The following GNB1 variants were observed in gnomAD, a reference collection of about 807,000 sequenced individuals.
The protein encoded by GNB1 is G protein subunit beta 1, also known as guanine nucleotide-binding protein G(I)/G(S)/G(T) subunit beta-1.
In GNB1, 2 loss-of-function variants were observed where a neutral mutation model predicts 42.9. The observed-to-expected ratio is 0.05, with a 90% confidence interval of 0.02 to 0.15. GNB1 has a LOEUF of 0.15. GNB1 is among the 10% of genes least tolerant of loss of function. The pLI is 1.00. For synonymous variants in GNB1, 183 were observed against 174.7 expected, an observed-to-expected ratio of 1.05 and a Z score of -0.38; for missense variants, 193 against 462.2, an observed-to-expected ratio of 0.42 and a Z score of 5.34.
intron 1 of GNB1, among the ~76,000 whole-genome samples, chr1:1,848,162 G>A (rs957877258): frequency 6.6e-6 from 1 of 151,970 alleles, no homozygotes; most frequent in Non-Finnish European, 1.5e-5. Context: ...GGCAGACCAC[G>A]AGATCAGGTG....
intron 1 of GNB1, among the ~76,000 whole-genome samples, chr1:1,872,988 G>A (rs548851450): frequency 2.6e-5 from 4 of 152,122 alleles, no homozygotes; most frequent in Admixed American, 6.5e-5. Context: ...AAATGGCCAC[G>A]GTTTCTGCAA....
chr1:1,868,882 T>C (rs1363382453), intron 1 of GNB1, among the ~76,000 whole-genome samples: 1 of 151,828 alleles, frequency 6.6e-6, no homozygotes, highest in Non-Finnish European at 1.5e-5. Flanking sequence ...AGTTAATTTC[T>C]ATAAAGAATA....
At chr1:1,867,311 C>T (rs188195903) in intron 1 of GNB1, among the ~76,000 whole-genome samples, 17 of 152,254 alleles carry the variant, frequency 1.1e-4, no homozygotes, top group Admixed American at 3.3e-4. Flanking sequence ...GGCTGCAATG[C>T]GGCCCACAGG....
rs1213290699 is a variant in GNB1 at position 1,785,648 on chromosome 1, G to A, written c.*1415C>T. Reference sequence around the variant, plus strand: ...TGCTGCTGAACACTGGCCTTGAAATGAACACCAGGACAATCTGTGTGTGAT... The same window carrying A: ...TGCTGCTGAACACTGGCCTTGAAATAAACACCAGGACAATCTGTGTGTGAT... On this transcript the variant is annotated 3_prime_UTR_variant, in exon 12 of 12. Coordinates refer to ENST00000378609, the MANE Select transcript of GNB1 (RefSeq NM_002074.5). The A allele has an allele frequency of 8.4e-6, 2 of 237,286 alleles. No individual in the cohort carries two copies. Among genetic ancestry groups the A allele is most frequent in the African/African-American group, 4.4e-5 (2 of 44,960 alleles). 14.7% of individuals were successfully genotyped at this position (237,286 alleles called of 1,614,324 possible).
intron 2 of GNB1, among the ~76,000 whole-genome samples, chr1:1,826,115 G>A (rs1184255344): frequency 6.6e-6 from 1 of 152,018 alleles, no homozygotes; most frequent in Non-Finnish European, 1.5e-5. Flanking sequence ...ATAAATCCAA[G>A]AACATAAGAC....
At chr1:1,798,420 A>G (rs995674296) in intron 7 of GNB1, among the ~76,000 whole-genome samples, 5 of 152,232 alleles carry the variant, frequency 3.3e-5, no homozygotes, top group Non-Finnish European at 5.9e-5. Flanking sequence ...GCTTCTCACT[A>G]TATGAAGACA....
intron 5 of GNB1, among the ~76,000 whole-genome samples, chr1:1,815,040 A>T (rs1318391149): frequency 2.0e-5 from 3 of 149,804 alleles, no homozygotes; most frequent in Non-Finnish European, 1.5e-5. Context: ...TGAACCCGGG[A>T]GGCGGAGCTT....
intron 1 of GNB1, among the ~76,000 whole-genome samples, chr1:1,847,102 T>C (rs1647710723): frequency 6.6e-6 from 1 of 151,722 alleles, no homozygotes; most frequent in South Asian, 2.1e-4. Flanking sequence ...AAAGGACACT[T>C]ATTAGTAAGG....
At chr1:1,885,218 G>C (rs893134418) in intron 1 of GNB1, among the ~76,000 whole-genome samples, 126 of 151,398 alleles carry the variant, frequency 8.3e-4, no homozygotes, top group Admixed American at 1.7e-3. Flanking sequence ...TTTGAGACCA[G>C]CCTGGCCAAC....
chr1:1,870,312 C>G (rs1358024721), intron 1 of GNB1, among the ~76,000 whole-genome samples: 2 of 152,150 alleles, frequency 1.3e-5, no homozygotes, highest in African/African-American at 4.8e-5. Flanking sequence ...GTAGCTAGGA[C>G]TACAGGCACC....
intron 5 of GNB1, among the ~76,000 whole-genome samples, chr1:1,815,066 T>G (rs1646834248): frequency 6.7e-6 from 1 of 150,178 alleles, no homozygotes; most frequent in East Asian, 2.0e-4. Flanking sequence ...GAGCCGAGAT[T>G]GCCCCACCGC....
chr1:1,813,020 C>T (rs955648178), intron 5 of GNB1, among the ~76,000 whole-genome samples: 4 of 152,182 alleles, frequency 2.6e-5, no homozygotes, highest in African/African-American at 9.7e-5. Context: ...GCACTGTCTA[C>T]TCCACTAACC....
At chr1:1,795,676 C>T (rs1646536700) in intron 7 of GNB1, among the ~76,000 whole-genome samples, 1 of 152,054 alleles carries the variant, frequency 6.6e-6, no homozygotes, top group Non-Finnish European at 1.5e-5. Context: ...TCGCTTGAAC[C>T]CAGGAGGCAG....
intron 5 of GNB1, among the ~76,000 whole-genome samples, 158 bp from the exon 6 acceptor site, chr1:1,806,696 G>A (rs528206276): frequency 2.6e-5 from 4 of 152,250 alleles, no homozygotes; most frequent in South Asian, 2.1e-4. Flanking sequence ...ATCTCTGGTC[G>A]GGCACAGTTG....
intron 5 of GNB1, among the ~76,000 whole-genome samples, chr1:1,813,330 C>T (rs1031902004): frequency 2.0e-4 from 31 of 151,594 alleles, no homozygotes; most frequent in Non-Finnish European, 4.0e-4. Context: ...AGGCTGGTTT[C>T]GAACTCCTGA....
chr1:1,819,076 G>A (rs997492343), intron 3 of GNB1, among the ~76,000 whole-genome samples: 1 of 151,862 alleles, frequency 6.6e-6, no homozygotes, highest in Non-Finnish European at 1.5e-5. Flanking sequence ...CATTACTAAG[G>A]GATCAAAGTT....
intron 3 of GNB1, among the ~76,000 whole-genome samples, chr1:1,820,989 T>C (rs1214957812): frequency 2.0e-5 from 3 of 152,248 alleles, no homozygotes; most frequent in Non-Finnish European, 2.9e-5. Context: ...TCTTTCAGAT[T>C]AATTTCCAGT....
At chr1:1,884,286 A>G (rs898866861) in intron 1 of GNB1, among the ~76,000 whole-genome samples, 1 of 152,046 alleles carries the variant, frequency 6.6e-6, no homozygotes, top group Non-Finnish European at 1.5e-5. Flanking sequence ...TTTTTAGTAG[A>G]GATGGGGTTT....
intron 1 of GNB1, among the ~76,000 whole-genome samples, chr1:1,874,791 CAAAAA>C (rs1223843039): frequency 7.1e-6 from 1 of 141,268 alleles, no homozygotes; most frequent in African/African-American, 2.6e-5. Flanking sequence ...CACCCTGTCT[CAAAAA>C]AAAAAGACAA....
Sources: gnomAD v4.1 joint callset for allele counts (sites outside exome capture counted in the v4.1 genomes callset) on GRCh38, gnomAD v4.1.1 for gene constraint, MANE v1.5 for transcripts, NCBI Gene and HGNC (gene_info 2026-07-23, HGNC 2026-07-21) for gene names.